The following VTI1A variants were observed in gnomAD, a reference collection of about 807,000 sequenced individuals.
VTI1A encodes the protein vesicle transport through interaction with t-SNAREs homolog 1A.
VTI1A carries 22 observed loss-of-function variants against 34.9 expected under a neutral mutation model. The observed-to-expected ratio is 0.63, with a 90% CI of 0.45 to 0.90. The LOEUF (loss-of-function observed/expected upper bound fraction) is 0.90. Ranked by LOEUF, VTI1A falls within the 40% of genes least tolerant of loss-of-function variation. VTI1A has a pLI of 0.00. For missense variants in VTI1A, 268 were observed against 275.6 expected (o/e 0.97, Z 0.20); for synonymous variants, 87 against 97.3 (o/e 0.89, Z 0.62).
At chr10:112,740,125 C>T (rs1850641321) in intron 7 of VTI1A, among the ~76,000 whole-genome samples, 1 of 152,182 alleles carries the variant, frequency 6.6e-6, no homozygotes, top group Non-Finnish European at 1.5e-5. Context: ...AAGACCTCAA[C>T]CATTGCAAGC....
intron 3 of VTI1A, among the ~76,000 whole-genome samples, chr10:112,467,944 G>GA (rs886667791): frequency 3.3e-5 from 5 of 152,142 alleles, no homozygotes; most frequent in East Asian, 1.9e-4. Flanking sequence ...TATAGTGGGG[G>GA]AAAAAATCTA....
intron 3 of VTI1A, among the ~76,000 whole-genome samples, chr10:112,481,866 G>T (rs762524718): frequency 3.3e-5 from 5 of 152,196 alleles, no homozygotes; most frequent in Non-Finnish European, 7.3e-5. Context: ...AATGATGATA[G>T]CTGTGCATTG....
chr10:112,523,109 C>A (rs1449696080), intron 3 of VTI1A, among the ~76,000 whole-genome samples: 3 of 151,974 alleles, frequency 2.0e-5, no homozygotes, highest in Non-Finnish European at 4.4e-5. Flanking sequence ...TAAGTTAATT[C>A]GTTTTGTTTC....
intron 7 of VTI1A, among the ~76,000 whole-genome samples, chr10:112,811,800 G>A (rs1853325134): frequency 6.6e-6 from 1 of 150,642 alleles, no homozygotes; most frequent in Non-Finnish European, 1.5e-5. Flanking sequence ...TGGGCTCCTC[G>A]AGCAAGAGCA....
At chr10:112,539,179 C>A (rs1850767882) in intron 5 of VTI1A, among the ~76,000 whole-genome samples, 1 of 152,102 alleles carries the variant, frequency 6.6e-6, no homozygotes, top group South Asian at 2.1e-4. Flanking sequence ...TTGGATAGCT[C>A]TTGCCCAATG....
chr10:112,815,699 C>A lies in VTI1A; in HGVS notation c.*316C>A. Reference sequence around the variant, plus strand: ...GACACTCCTAGCCCTCTGGACGTGTCAAGGGCCGTGGTTTGGGAGAGGACA... The same window carrying A: ...GACACTCCTAGCCCTCTGGACGTGTAAAGGGCCGTGGTTTGGGAGAGGACA... On this transcript the variant is annotated 3_prime_UTR_variant, in exon 8 of 8. Transcript: ENST00000393077. 1 of 332,960 alleles carries A rather than the reference C, an allele frequency of 3.0e-6. No individual in the cohort carries two copies. The highest frequency in any genetic ancestry group is 5.6e-6 in the Non-Finnish European group (1 of 178,196). The allele number at this position is 332,960 out of a possible 1,614,324, so 20.6% of individuals were successfully genotyped here. A position where few individuals can be genotyped will look rare whatever the true frequency, so the allele number is the denominator to read the frequency against.
intron 5 of VTI1A, among the ~76,000 whole-genome samples, chr10:112,592,811 T>C (rs1450131394): frequency 6.6e-6 from 1 of 152,254 alleles, no homozygotes; most frequent in African/African-American, 2.4e-5. Flanking sequence ...TGAATGGATC[T>C]TTCAGTCCAC....
At chr10:112,834,452 A>G in the VTI1A span, among the ~76,000 whole-genome samples, 9 of 152,284 alleles carry the variant, frequency 5.9e-5, 1 homozygote, top group South Asian at 1.9e-3. Context: ...ATGCTTCCCA[A>G]AGAGACACCA....
the VTI1A span, among the ~76,000 whole-genome samples, chr10:112,846,825 TA>T: frequency 6.6e-6 from 1 of 152,084 alleles, no homozygotes; most frequent in Non-Finnish European, 1.5e-5. Context: ...ACTGGGTGTT[TA>T]ATTTTAATAG....
At chr10:112,658,188 A>G (rs1188067025) in intron 5 of VTI1A, among the ~76,000 whole-genome samples, 2 of 152,088 alleles carry the variant, frequency 1.3e-5, no homozygotes, top group African/African-American at 4.8e-5. Context: ...CCTAACCTCA[A>G]GTGATCTTCC....
chr10:112,828,699 C>T, the VTI1A span, among the ~76,000 whole-genome samples: 5 of 151,948 alleles, frequency 3.3e-5, no homozygotes, highest in Admixed American at 2.0e-4. Flanking sequence ...GCCACCCACC[C>T]GGCCTAAAAT....
At chr10:112,707,205 G>T (rs562002756) in intron 7 of VTI1A, among the ~76,000 whole-genome samples, 6 of 152,146 alleles carry the variant, frequency 3.9e-5, no homozygotes, top group African/African-American at 1.4e-4. Context: ...TGTCACCTAG[G>T]CTGGAGTGCT....
intron 3 of VTI1A, among the ~76,000 whole-genome samples, chr10:112,506,043 C>G (rs1376425341): frequency 6.6e-6 from 1 of 152,078 alleles, no homozygotes; most frequent in Non-Finnish European, 1.5e-5. Context: ...TCATGTGTTG[C>G]TTAACGACAG....
chr10:112,632,134 G>A (rs555272456), intron 5 of VTI1A, among the ~76,000 whole-genome samples: 19 of 152,204 alleles, frequency 1.2e-4, no homozygotes, highest in Admixed American at 6.5e-4. Flanking sequence ...ACCTTTGTTG[G>A]GGCATTTTGG....
intron 3 of VTI1A, among the ~76,000 whole-genome samples, chr10:112,468,981 G>T (rs1371245063): frequency 1.3e-5 from 2 of 152,076 alleles, no homozygotes; most frequent in African/African-American, 4.8e-5. Flanking sequence ...ACTATTTCCT[G>T]ATTCTGTTCT....
intron 7 of VTI1A, among the ~76,000 whole-genome samples, chr10:112,716,072 A>G (rs1164528202): frequency 2.0e-5 from 3 of 152,140 alleles, no homozygotes; most frequent in Admixed American, 6.5e-5. Flanking sequence ...GTGGGAACAT[A>G]AGTAAGTATG....
the VTI1A span, among the ~76,000 whole-genome samples, chr10:112,849,890 G>T: frequency 6.6e-6 from 1 of 152,178 alleles, no homozygotes; most frequent in Non-Finnish European, 1.5e-5. Context: ...GTGGGTGCAA[G>T]GGCGAGGGTG....
chr10:112,606,174 C>T (rs142177141), intron 5 of VTI1A, among the ~76,000 whole-genome samples: 77 of 151,840 alleles, frequency 5.1e-4, no homozygotes, highest in African/African-American at 1.4e-3. Flanking sequence ...TACAGGTGCA[C>T]GCCACCACCC....
the VTI1A span, among the ~76,000 whole-genome samples, chr10:112,849,343 T>G: frequency 6.6e-6 from 1 of 152,202 alleles, no homozygotes; most frequent in Non-Finnish European, 1.5e-5. Flanking sequence ...GCAGTGGGGC[T>G]CTCTCTGCCT....
Sources: allele counts gnomAD v4.1 joint callset (sites outside exome capture counted in the v4.1 genomes callset), GRCh38; gene constraint gnomAD v4.1.1; transcripts MANE v1.5; gene names NCBI Gene and HGNC (gene_info 2026-07-23, HGNC 2026-07-21).